ANAPC7: variants seen among roughly 807,000 people sequenced by gnomAD.
ANAPC7 encodes the protein anaphase-promoting complex subunit 7.
In ANAPC7, 25 loss-of-function variants were observed where a neutral mutation model predicts 63.3. The ratio of observed to expected loss-of-function variants is 0.39; its 90% CI spans 0.29 to 0.55. The LOEUF (loss-of-function observed/expected upper bound fraction) is 0.55. Among genes scored for constraint, ANAPC7 ranks in the 20% least tolerant of loss-of-function variants. The pLI is 0.57. For missense variants in ANAPC7, 516 were observed against 691.7 expected (o/e 0.75, Z 2.85); for synonymous variants, 241 against 251.7 (o/e 0.96, Z 0.40).
intron 5 of ANAPC7, chr12:110,387,291 G>GAGAGAGAGAGAC (rs1882607625): frequency 1.6e-5 from 2 of 126,308 alleles, no homozygotes; most frequent in African/African-American, 6.5e-5. Context: ...GAGAGACAGA[G>GAGAGAGAGAGAC]AGAGAGAGAG....
At chr12:110,375,754 T>C (rs1592890394) in intron 10 of ANAPC7, 1 of 1,006,608 alleles carries the variant, frequency 9.9e-7, no homozygotes, top group Non-Finnish European at 1.2e-6. Flanking sequence ...ATATAAAATA[T>C]ATACTAGGTA....
intron 3 of ANAPC7, among the ~76,000 whole-genome samples, chr12:110,391,916 A>AC (rs1883119000): frequency 6.6e-6 from 1 of 151,800 alleles, no homozygotes; most frequent in South Asian, 2.1e-4. Context: ...ACATGGTGAA[A>AC]CCCCGTCTCC....
intron 9 of ANAPC7, among the ~76,000 whole-genome samples, chr12:110,376,680 A>C (rs948665784): frequency 6.6e-6 from 1 of 151,564 alleles, no homozygotes; most frequent in African/African-American, 2.4e-5. Context: ...AATGAACCAA[A>C]TTATGAGTTT....
intron 2 of ANAPC7, among the ~76,000 whole-genome samples, chr12:110,395,481 A>G (rs1883491905): frequency 6.6e-6 from 1 of 152,052 alleles, no homozygotes. Context: ...TTGTAAAGAC[A>G]GGGGTCTCAC....
At chr12:110,375,438 G>C in intron 10 of ANAPC7, 1 of 985,352 alleles carries the variant, frequency 1.0e-6, no homozygotes, top group Non-Finnish European at 1.2e-6. Context: ...TAACCTTACA[G>C]ACACACAGAC....
At chr12:110,397,344 C>A (rs115504359) in intron 1 of ANAPC7, among the ~76,000 whole-genome samples, 4,453 of 151,500 alleles carry the variant, frequency 0.029, 217 homozygotes, top group African/African-American at 0.1. Flanking sequence ...CACAAGATCA[C>A]AAGATCGAGA....
Position 110,377,810 on chromosome 12 carries a change from G to C in ANAPC7, c.1133-193C>G, listed in dbSNP as rs147964086. The C allele has an allele frequency of 1.7e-3, 2,416 of 1,429,962 alleles. 3 individuals carry two copies. The highest frequency in any genetic ancestry group is 2.5e-3 in the Admixed American group (86 of 35,052). The allele number at this position is 1,429,962 out of a possible 1,614,324, so 88.6% of individuals were successfully genotyped here. ...AGAAGTGCTCTTCCCCAGAGAACTT[G>C]ATGGATGTAGAAAAAGACTGCCTTC... On this transcript the variant is annotated intron_variant, in intron 8 of 10. Transcript: ENST00000455511.
In ANAPC7 at chr12:110,373,413, G is replaced by A. The variant is rs1013320089; in HGVS notation, c.*731C>T. On this transcript the variant is annotated 3_prime_UTR_variant, in exon 11 of 11. Coordinates refer to ENST00000455511, the MANE Select transcript of ANAPC7 (RefSeq NM_016238.3). ...TTCTGGGGCTGAATCAATGCATTGCGAATAAGACAAAAATACTAAGAGTCT... is the reference window on the plus strand; with the variant it reads ...TTCTGGGGCTGAATCAATGCATTGCAAATAAGACAAAAATACTAAGAGTCT... 9 of 152,124 alleles carry A rather than the reference G, an allele frequency of 5.9e-5. No individual in the cohort carries two copies. The highest frequency in any genetic ancestry group is 2.2e-4 in the African/African-American group (9 of 41,410). The allele number at this position is 152,124 out of a possible 1,614,324, so 9.4% of individuals were successfully genotyped here.
chr12:110,389,397 TAAA>T (rs138239979), intron 3 of ANAPC7, among the ~76,000 whole-genome samples: 3,160 of 152,278 alleles, frequency 0.021, 126 homozygotes, highest in African/African-American at 0.072. Context: ...GAAAGACAGA[TAAA>T]GAAGTATAAT....
At chr12:110,396,514 TTC>T (rs1331643379) in intron 1 of ANAPC7, 62 bp from the exon 2 acceptor site, 248 of 1,353,150 alleles carry the variant, frequency 1.8e-4, no homozygotes, top group Non-Finnish European at 2.3e-4. Context: ...CTCCCCCAGC[TTC>T]TTTTTTTTTT....
rs2062264776 is a variant in ANAPC7 at position 110,403,564 on chromosome 12, G to A, written c.64C>T (p.Leu22Phe). 2 of 1,608,122 alleles carry A rather than the reference G, an allele frequency of 1.2e-6. No homozygotes were observed. Among genetic ancestry groups the A allele is most frequent in the South Asian group, 2.2e-5 (2 of 90,112 alleles). ...CTCATTGTAAGTAACAAGCTGCTGA[G>A]GAGCCGCACGTTGGAGTGCAGCCCC... Reference protein sequence around the residue: ...AAGLHSNVRLLSSLLLTMSNN... With the variant: ...AAGLHSNVRLFSSLLLTMSNN... Residue 22 changes from leucine (L) to phenylalanine (F), a missense_variant, in exon 1 of 11, where the codon CTC (leucine) becomes TTC (phenylalanine). Physicochemically the swap from Leu to Phe is conservative, Grantham distance 22. This residue lies in a region of ANAPC7 where 185 missense variants were observed against 200.3 expected (regional missense o/e 0.92). Coordinates refer to ENST00000455511, the MANE Select transcript of ANAPC7 (RefSeq NM_016238.3).
rs1880985808 is a variant in ANAPC7 at position 110,373,351 on chromosome 12, C to T, written c.*793G>A. On this transcript the variant is annotated 3_prime_UTR_variant, in exon 11 of 11. Coordinates refer to ENST00000455511, the MANE Select transcript of ANAPC7 (RefSeq NM_016238.3). ...TGAGCTTTCCAACCCTCCTGGCTCCCAACACCAGGGGAAGAAAGTCTATTT... is the reference window on the plus strand; with the variant it reads ...TGAGCTTTCCAACCCTCCTGGCTCCTAACACCAGGGGAAGAAAGTCTATTT... 1 of 152,130 alleles carries T rather than the reference C, an allele frequency of 6.6e-6. No homozygotes were observed. The highest frequency in any genetic ancestry group is 1.5e-5 in the Non-Finnish European group (1 of 68,022). The allele number at this position is 152,130 out of a possible 1,614,324, so 9.4% of individuals were successfully genotyped here.
In ANAPC7 at chr12:110,403,691, T is replaced by G. The variant is rs188221379; in HGVS notation, c.-64A>C. The G allele has an allele frequency of 1.0e-4, 163 of 1,552,910 alleles. No homozygotes were observed. The African/African-American group carries it at 1.8e-3, about 18-fold the overall frequency. The stretch of plus-strand genomic sequence containing the variant: ...ACTCGAAAAGCCGGTAGAGGATCCT[T>G]AGGGAAGACTCCAAAATGGCGGCGT... On this transcript the variant is annotated 5_prime_UTR_variant, in exon 1 of 11. Transcript: ENST00000455511.
intron 10 of ANAPC7, chr12:110,375,858 GA>G (rs1279527552): frequency 1.6e-6 from 2 of 1,276,100 alleles, no homozygotes; most frequent in African/African-American, 3.0e-5. Flanking sequence ...GGTTATGAGT[GA>G]AACAGTTCTC....
chr12:110,394,604 C>T (rs1344211527), intron 3 of ANAPC7, among the ~76,000 whole-genome samples: 1 of 133,394 alleles, frequency 7.5e-6, no homozygotes, highest in Non-Finnish European at 1.5e-5. Flanking sequence ...CCAGCCTGGG[C>T]AACTTTGCAG....
At chr12:110,378,615 TGAG>T (rs1362321584) in intron 8 of ANAPC7, 1 of 152,206 alleles carries the variant, frequency 6.6e-6, no homozygotes, top group African/African-American at 2.4e-5. Context: ...AGACGCCCTA[TGAG>T]GAGGCCACCT....
intron 1 of ANAPC7, among the ~76,000 whole-genome samples, chr12:110,402,989 G>A (rs932645018): frequency 3.3e-5 from 5 of 152,036 alleles, no homozygotes; most frequent in African/African-American, 9.7e-5. Flanking sequence ...CGATCCTCCC[G>A]CCTCGGCCTC....
rs187400714 is a variant in ANAPC7, at chr12:110,373,040, A to G, written c.*1104T>C. 1 of 152,210 alleles carries G rather than the reference A, an allele frequency of 6.6e-6. No individual in the cohort carries two copies. Among genetic ancestry groups the G allele is most frequent in the African/African-American group, 2.4e-5 (1 of 41,528 alleles). 9.4% of individuals were successfully genotyped at this position (152,210 alleles called of 1,614,324 possible). A position where few individuals can be genotyped will look rare whatever the true frequency, so the allele number is the denominator to read the frequency against. On this transcript the variant is annotated 3_prime_UTR_variant, in exon 11 of 11. Transcript: ENST00000455511. ...TTGCAGCACCTTGGACTAATTTTTG[A>G]ATTTGGGATTAGCTGTGACACCCAC... is the stretch of plus-strand genomic sequence containing the variant.
Position 110,395,013 on chromosome 12 carries a change from C to T in ANAPC7, c.408+88G>A, listed in dbSNP as rs943991461. On this transcript the variant is annotated intron_variant, in intron 3 of 10. Transcript: ENST00000455511. ...ATTAGAATCATGGGTAAAATGTTCACACGGACTCCTTAATGCATGAGAAAA... is the reference window on the plus strand; with the variant it reads ...ATTAGAATCATGGGTAAAATGTTCATACGGACTCCTTAATGCATGAGAAAA... 1.0e-5 allele frequency: 15 copies of T among 1,447,554 alleles called. No individual in the cohort carries two copies. The African/African-American group carries it at 2.0e-4, about 19-fold the overall frequency. The allele number at this position is 1,447,554 out of a possible 1,614,324, so 89.7% of individuals were successfully genotyped here.
Sources: allele counts gnomAD v4.1 joint callset (sites outside exome capture counted in the v4.1 genomes callset), GRCh38; gene constraint gnomAD v4.1.1; regional missense constraint gnomAD v4.1.1; transcripts MANE v1.5; gene names NCBI Gene and HGNC (gene_info 2026-07-23, HGNC 2026-07-21).